Variants in GLIS3 observed in about 807,000 individuals in gnomAD.
The protein encoded by GLIS3 is GLIS family zinc finger 3.
In GLIS3, 53 loss-of-function variants were observed where a neutral mutation model predicts 78.6. That is an observed-to-expected ratio of 0.67 (90% confidence interval 0.54 to 0.85). The LOEUF (loss-of-function observed/expected upper bound fraction) is 0.85, where lower values mean the gene tolerates loss of function less well. Among genes scored for constraint, GLIS3 ranks in the 40% least tolerant of loss-of-function variants. GLIS3 has a pLI of 0.00. For synonymous variants in GLIS3, 684 were observed against 509.9 expected (o/e 1.34, Z -4.60); for missense variants, 1,703 against 1,231.1 (o/e 1.38, Z -5.74).
rs183031794 is a variant in GLIS3 at position 3,991,313 on chromosome 9, C to T, written c.1711-54124G>A. Among the ~76,000 whole-genome samples the T allele has an allele frequency of 4.1e-4, 62 of 152,028 alleles. 2 individuals carry two copies. The highest frequency in any genetic ancestry group is 1.4e-3 in the African/African-American group (60 of 41,448). On this transcript the variant is annotated intron_variant, in intron 4 of 10. Coordinates refer to ENST00000381971, the MANE Select transcript of GLIS3 (RefSeq NM_001042413.2). ...TTTACTTTTACTTTCCCCTCAAAGC[C>T]TCTTTAATGAAGATACAAAAAAACA... is the stretch of plus-strand genomic sequence containing the variant.
chr9:4,204,299 T>G (rs1435230925), intron 2 of GLIS3, among the ~76,000 whole-genome samples: 4 of 152,172 alleles, frequency 2.6e-5, no homozygotes, highest in African/African-American at 9.7e-5. Flanking sequence ...CACATCCCAA[T>G]GCCTTCTAGA....
At chr9:4,010,987 G>T (rs754675067) in intron 4 of GLIS3, among the ~76,000 whole-genome samples, 1 of 152,150 alleles carries the variant, frequency 6.6e-6, no homozygotes, top group Non-Finnish European at 1.5e-5. Context: ...AATTGCAAAA[G>T]AGAAAATAGG....
chr9:4,448,029 G>A, the GLIS3 span, among the ~76,000 whole-genome samples: 3 of 152,136 alleles, frequency 2.0e-5, no homozygotes, highest in East Asian at 5.8e-4. Flanking sequence ...TGAGATTACA[G>A]TCATGAGCCA....
intron 2 of GLIS3, among the ~76,000 whole-genome samples, chr9:4,198,294 A>G (rs958519852): frequency 6.6e-6 from 1 of 152,224 alleles, no homozygotes; most frequent in Non-Finnish European, 1.5e-5. Flanking sequence ...AAAGATAAAC[A>G]TCTTAAAAAG....
intron 3 of GLIS3, 86 bp downstream of exon 3, chr9:4,125,648 G>C: frequency 1.1e-6 from 1 of 880,620 alleles, no homozygotes; most frequent in East Asian, 2.4e-5. Context: ...GTGTGTGTGT[G>C]TGTGTGTATT....
intron 2 of GLIS3, among the ~76,000 whole-genome samples, chr9:4,245,195 G>C (rs374821725): frequency 2.6e-5 from 4 of 152,148 alleles, no homozygotes; most frequent in African/African-American, 7.2e-5. Context: ...GATCATGTTG[G>C]TTTAGAGGGA....
rs186778083 is a variant in GLIS3, at chr9:4,239,882, A to C, written c.388+46156T>G. Among the ~76,000 whole-genome samples the C allele has an allele frequency of 5.2e-3, 788 of 152,302 alleles. 9 individuals are homozygous for C. The highest frequency in any genetic ancestry group is 8.2e-3 in the Non-Finnish European group (555 of 68,014). ...TTGCAAATGGCACTTTGTATTTCCTAACTCTGTATCATTAGACCTTTACAG... is the reference window on the plus strand; with the variant it reads ...TTGCAAATGGCACTTTGTATTTCCTCACTCTGTATCATTAGACCTTTACAG... On this transcript the variant is annotated intron_variant, in intron 2 of 10. Coordinates refer to ENST00000381971, the MANE Select transcript of GLIS3 (RefSeq NM_001042413.2).
rs569395793 is a variant in GLIS3, at chr9:4,256,621, C to G, written c.388+29417G>C. Among the ~76,000 whole-genome samples the G allele has an allele frequency of 4.6e-5, 7 of 152,250 alleles. No homozygotes were observed. The South Asian group carries it at 1.2e-3, about 27-fold the overall frequency. The stretch of plus-strand genomic sequence containing the variant: ...TGATCCAGTAATTCTACTCCTAGAT[C>G]ATCATCAGAGAGGTAGTAAAAGGTC... On this transcript the variant is annotated intron_variant, in intron 2 of 10. Transcript: ENST00000381971.
chr9:3,976,305 C>T (rs1170430155), intron 4 of GLIS3, among the ~76,000 whole-genome samples: 1 of 152,000 alleles, frequency 6.6e-6, no homozygotes, highest in East Asian at 1.9e-4. Context: ...AAATATCTTT[C>T]CAAACTTTAT....
At chr9:4,232,603 G>C (rs998123646) in intron 2 of GLIS3, among the ~76,000 whole-genome samples, 2 of 151,940 alleles carry the variant, frequency 1.3e-5, no homozygotes, top group Admixed American at 1.3e-4. Flanking sequence ...CAATATAAAA[G>C]AAATTTCCTA....
chr9:4,215,476 G>A (rs1820745913), intron 2 of GLIS3, among the ~76,000 whole-genome samples: 1 of 151,980 alleles, frequency 6.6e-6, no homozygotes, highest in Non-Finnish European at 1.5e-5. Context: ...CATTTATGGT[G>A]AAGGAAAAAA....
chr9:4,154,247 T>C (rs1004144784), intron 2 of GLIS3, among the ~76,000 whole-genome samples: 5 of 152,090 alleles, frequency 3.3e-5, no homozygotes, highest in East Asian at 1.9e-4. Context: ...GGTAGAGAAA[T>C]AGACTCCATC....
At chr9:4,058,762 C>A (rs59154070) in intron 4 of GLIS3, among the ~76,000 whole-genome samples, 7,404 of 152,040 alleles carry the variant, frequency 0.049, 539 homozygotes, top group African/African-American at 0.16. Context: ...GGGCGGATCA[C>A]GAGGTCAGGA....
intron 6 of GLIS3, among the ~76,000 whole-genome samples, chr9:3,908,325 G>C (rs1233664695): frequency 6.6e-6 from 1 of 152,184 alleles, no homozygotes; most frequent in Admixed American, 6.5e-5. Context: ...CTAACCCTCA[G>C]AAACTATTAG....
intron 4 of GLIS3, among the ~76,000 whole-genome samples, chr9:4,100,488 G>T (rs1293870023): frequency 2.0e-5 from 3 of 152,190 alleles, no homozygotes; most frequent in Non-Finnish European, 4.4e-5. Context: ...ATGATTCAGA[G>T]ATGTACAGTT....
chr9:4,247,692 C>T (rs1823927483), intron 2 of GLIS3, among the ~76,000 whole-genome samples: 1 of 152,094 alleles, frequency 6.6e-6, no homozygotes, highest in Admixed American at 6.6e-5. Context: ...AAAGAAGTAA[C>T]AGAGCTATTA....
intron 2 of GLIS3, among the ~76,000 whole-genome samples, chr9:4,192,140 C>T (rs1403879825): frequency 3.3e-5 from 5 of 152,176 alleles, no homozygotes; most frequent in Non-Finnish European, 7.4e-5. Flanking sequence ...AATTGATGCT[C>T]TTAAAAACAC....
intron 4 of GLIS3, among the ~76,000 whole-genome samples, chr9:3,973,199 C>T (rs1031544006): frequency 6.6e-6 from 1 of 152,124 alleles, no homozygotes; most frequent in African/African-American, 2.4e-5. Flanking sequence ...AGTGTGATAT[C>T]CTCCTGGGAT....
At chr9:4,176,207 T>C (rs1816802269) in intron 2 of GLIS3, among the ~76,000 whole-genome samples, 1 of 152,116 alleles carries the variant, frequency 6.6e-6, no homozygotes, top group African/African-American at 2.4e-5. Context: ...AAAAAACTCA[T>C]TTCTCCCTCT....
Sources: gnomAD v4.1 joint callset for allele counts (sites outside exome capture counted in the v4.1 genomes callset) on GRCh38, gnomAD v4.1.1 for gene constraint, MANE v1.5 for transcripts, NCBI Gene and HGNC (gene_info 2026-07-23, HGNC 2026-07-21) for gene names.